ATP2B3: variants seen among roughly 807,000 people sequenced by gnomAD.
ATP2B3 encodes the protein plasma membrane calcium-transporting ATPase 3.
ATP2B3 carries 12 observed loss-of-function variants against 70.8 expected under a neutral mutation model. That is an observed-to-expected ratio of 0.17 (90% CI 0.11 to 0.27). ATP2B3 has a LOEUF of 0.27. ATP2B3 is among the 10% of genes least tolerant of loss of function. The probability of loss-of-function intolerance (pLI) is 1.00; values close to 1 mark genes in which losing one functional copy is unlikely to be tolerated. For synonymous variants in ATP2B3, 460 were observed against 497.8 expected, an observed-to-expected ratio of 0.92 and a Z score of 1.01; for missense variants, 858 against 1,118.5, an observed-to-expected ratio of 0.77 and a Z score of 3.32.
chrX:153,564,159 G>A (rs1427170246), intron 20 of ATP2B3, among the ~76,000 whole-genome samples: 1 of 112,855 alleles, frequency 8.9e-6, no homozygotes, highest in Non-Finnish European at 1.9e-5. Flanking sequence ...TCTCTAGGCT[G>A]GTGTTCCTCC....
At chrX:153,542,592 A>G in intron 6 of ATP2B3, 144 bp downstream of exon 6, 1 of 861,950 alleles carries the variant, frequency 1.2e-6, no homozygotes, top group Non-Finnish European at 1.6e-6. Flanking sequence ...GAATCTGAAG[A>G]CTCCGCCCGT....
intron 21 of ATP2B3, among the ~76,000 whole-genome samples, chrX:153,576,392 A>C (rs1557021397): frequency 8.9e-6 from 1 of 111,825 alleles, no homozygotes; most frequent in African/African-American, 3.3e-5. Flanking sequence ...TGTCTGGTAC[A>C]TAGGGTCAGG....
At chrX:153,540,306 G>A (rs2090260499) in intron 3 of ATP2B3, among the ~76,000 whole-genome samples, 1 of 112,201 alleles carries the variant, frequency 8.9e-6, no homozygotes, top group Admixed American at 9.3e-5. Flanking sequence ...GAAAAGGCTT[G>A]AAGACTTCCC....
chrX:153,532,214 A>C (rs2124358580), intron 2 of ATP2B3, among the ~76,000 whole-genome samples: 1 of 112,337 alleles, frequency 8.9e-6, no homozygotes, highest in South Asian at 3.7e-4. Flanking sequence ...TGGGCTCAAA[A>C]CTCAGTGTGT....
chrX:153,573,158 G>A (rs1164062815), intron 21 of ATP2B3, among the ~76,000 whole-genome samples: 6 of 112,587 alleles, frequency 5.3e-5, no homozygotes, highest in Non-Finnish European at 1.1e-4. Flanking sequence ...GTCCCTCCGG[G>A]CCGTTTAGTT....
intron 21 of ATP2B3, among the ~76,000 whole-genome samples, chrX:153,577,027 GGA>G (rs2090865729): frequency 8.9e-6 from 1 of 112,512 alleles, no homozygotes; most frequent in African/African-American, 3.2e-5. Context: ...AGACTCACCA[GGA>G]CTCCAGCCAA....
chrX:153,554,732 G>T (rs1052316879), intron 13 of ATP2B3, among the ~76,000 whole-genome samples: 11 of 112,986 alleles, frequency 9.7e-5, no homozygotes, highest in Non-Finnish European at 1.9e-4. Flanking sequence ...TGTGGCTGGG[G>T]TGGTATTGAT....
In ATP2B3 at chrX:153,558,231, G is replaced by A. The variant is rs782391712; in HGVS notation, c.2553G>A (p.Lys851=). 12 of 1,210,248 alleles carry A rather than the reference G, an allele frequency of 9.9e-6. No homozygotes were observed. The South Asian group carries it at 1.6e-4, about 16-fold the overall frequency. ...GTAACGTCTATGACAGCATCTCCAA[G>A]TTCCTGCAGTTTCAACTGACGGTCA... is the stretch of plus-strand genomic sequence containing the variant. ...WGRNVYDSIS[K]FLQFQLTVNV... is the part of the protein sequence containing the mutation. The change falls in exon 17 of 22, where the codon AAG becomes AAA. Residue 851 remains lysine (K), a synonymous_variant. Transcript: ENST00000263519.
intron 21 of ATP2B3, among the ~76,000 whole-genome samples, chrX:153,571,712 C>T (rs558860858): frequency 8.9e-6 from 1 of 112,477 alleles, no homozygotes; most frequent in South Asian, 3.7e-4. Flanking sequence ...GTGGGAGAGA[C>T]GCCACCCCTC....
intron 12 of ATP2B3, 72 bp downstream of exon 12, chrX:153,550,358 G>A (rs1476935734): frequency 2.5e-5 from 30 of 1,182,112 alleles, no homozygotes; most frequent in African/African-American, 5.3e-5. Flanking sequence ...AAAAGAGGCC[G>A]AACGTAAAAT....
At position 153,562,233 on chromosome X, in the gene ATP2B3, C is replaced by G; in HGVS notation, c.3150C>G (p.Val1050=). Reference sequence around the variant, plus strand: ...TGTTTGTTGGTGTTGGGGAGCTGGTCTGGGGACAGGTGAGTGACAGCCCTG... The same window carrying G: ...TGTTTGTTGGTGTTGGGGAGCTGGTGTGGGGACAGGTGAGTGACAGCCCTG... The part of the protein sequence containing the change: ...WCLFVGVGEL[V]WGQVIATIPT... The change falls in exon 20 of 22, where the codon GTC becomes GTG. Residue 1050 remains valine (V), a synonymous_variant. Coordinates refer to ENST00000263519, the MANE Select transcript of ATP2B3 (RefSeq NM_001001344.3). 8.3e-7 allele frequency: 1 copy of G among 1,209,108 alleles called. No individual in the cohort carries two copies. Among genetic ancestry groups the G allele is most frequent in the Non-Finnish European group, 1.1e-6 (1 of 893,343 alleles).
At position 153,558,162 on chromosome X, in the gene ATP2B3, C is replaced by T. The variant is rs1205575325; in HGVS notation, c.2484C>T (p.Thr828=). ...VAKEASDIIL[T]DDNFTSIVKA... ...AGGAGGCCTCCGACATCATCCTGAC[C>T]GATGACAACTTCACCAGCATCGTCA... is the stretch of plus-strand genomic sequence containing the variant. Residue 828 remains threonine, a synonymous_variant, in exon 17 of 22, where the codon ACC becomes ACT. Transcript: ENST00000263519. 1.1e-5 allele frequency: 13 copies of T among 1,211,482 alleles called. No homozygotes were observed. The highest frequency in any genetic ancestry group is 1.3e-5 in the Non-Finnish European group (12 of 895,382).
At chrX:153,574,214 G>A (rs2090826894) in intron 21 of ATP2B3, among the ~76,000 whole-genome samples, 1 of 112,365 alleles carries the variant, frequency 8.9e-6, no homozygotes, top group Non-Finnish European at 1.9e-5. Flanking sequence ...CCTTTGTCTC[G>A]CTTTCAAGTT....
At chrX:153,531,462 G>C (rs1335955149) in intron 2 of ATP2B3, among the ~76,000 whole-genome samples, 10 of 113,484 alleles carry the variant, frequency 8.8e-5, no homozygotes, top group African/African-American at 2.9e-4. Flanking sequence ...ACGTCGCTGA[G>C]TGATGGGCCC....
chrX:153,555,915 G>A (rs1603088869), intron 13 of ATP2B3, 134 bp from the exon 14 acceptor site: 1 of 702,800 alleles, frequency 1.4e-6, no homozygotes, highest in Non-Finnish European at 2.2e-6. Flanking sequence ...TTCTGAGCAC[G>A]TGAATCGGAT....
Position 153,562,026 on chromosome X carries a change from G to A in ATP2B3, c.3052-109G>A, listed in dbSNP as rs1345390705. The A allele has an allele frequency of 2.4e-5, 16 of 672,782 alleles. No homozygotes were observed. In the East Asian group the frequency reaches 3.2e-4, roughly 14 times the overall value. The allele number at this position is 672,782 out of a possible 1,213,427, so 55.4% of individuals were successfully genotyped here. On this transcript the variant is annotated intron_variant, in intron 19 of 21. Coordinates refer to ENST00000263519, the MANE Select transcript of ATP2B3 (RefSeq NM_001001344.3). ...GTGGTCCTCTCGCAAGGAGCAGCCC[G>A]TGCAACTGGGGGAACCAACCAGGGT...
At position 153,559,928 on chromosome X, in the gene ATP2B3, C is replaced by T. The variant is rs782760482; in HGVS notation, c.2825C>T (p.Thr942Ile). The stretch of plus-strand genomic sequence containing the variant: ...GTGTACCAGCTCGCCATCATCTTCA[C>T]CCTGCTGTTTGTCGGTAGGCTGGCC... ...HAVYQLAIIF[T>I]LLFVGELFFD... Residue 942 changes from threonine to isoleucine, a missense_variant, in exon 18 of 22, where the codon ACC (threonine) becomes ATC (isoleucine). Transcript: ENST00000263519. The T allele has an allele frequency of 3.3e-6, 4 of 1,208,793 alleles. No homozygotes were observed. The African/African-American group carries it at 7.0e-5, about 21-fold the overall frequency.
At chrX:153,554,440 A>C (rs1052390323) in intron 13 of ATP2B3, among the ~76,000 whole-genome samples, 2 of 113,061 alleles carry the variant, frequency 1.8e-5, no homozygotes, top group African/African-American at 6.4e-5. Flanking sequence ...CCTGGGGAAT[A>C]GGGACAGCTC....
In ATP2B3 at chrX:153,581,392, C is replaced by G; in HGVS notation, c.*1094C>G. 1 of 112,448 alleles carries G rather than the reference C, an allele frequency of 8.9e-6. No homozygotes were observed. Among genetic ancestry groups the G allele is most frequent in the Non-Finnish European group, 1.9e-5 (1 of 53,201 alleles). 9.3% of individuals were successfully genotyped at this position (112,448 alleles called of 1,213,427 possible). ...AAAGGGGAGTTTCGTTTTCAGCTTT[C>G]TTTGGTTCCTACTCCAATTCCACAT... On this transcript the variant is annotated 3_prime_UTR_variant, in exon 22 of 22. Transcript: ENST00000263519.
Sources: gnomAD v4.1 joint callset for allele counts (sites outside exome capture counted in the v4.1 genomes callset) on GRCh38, gnomAD v4.1.1 for gene constraint, MANE v1.5 for transcripts, NCBI Gene and HGNC (gene_info 2026-07-23, HGNC 2026-07-21) for gene names.